CD2AP: variants seen among roughly 807,000 people sequenced by gnomAD.
CD2AP encodes CD2-associated protein.
A neutral mutation model predicts 85.1 loss-of-function variants in CD2AP; 46 were observed. The observed-to-expected ratio is 0.54, with a 90% CI of 0.43 to 0.69. The LOEUF (loss-of-function observed/expected upper bound fraction) is 0.69, where lower values mean the gene tolerates loss of function less well. CD2AP is among the 30% of genes least tolerant of loss of function. CD2AP has a pLI of 0.00. For synonymous variants in CD2AP, 255 were observed against 252.9 expected, an observed-to-expected ratio of 1.01 and a Z score of -0.08; for missense variants, 769 against 729.5, an observed-to-expected ratio of 1.05 and a Z score of -0.62.
At chr6:47,568,298 C>T (rs1307394365) in intron 5 of CD2AP, among the ~76,000 whole-genome samples, 2 of 152,166 alleles carry the variant, frequency 1.3e-5, no homozygotes, top group African/African-American at 4.8e-5. Context: ...TGGCTATTCA[C>T]TTTTGGAGAT....
chr6:47,533,693 G>C lies in CD2AP; in HGVS notation c.257G>C (p.Ser86Thr). The C allele has an allele frequency of 6.2e-7, 1 of 1,614,070 alleles. No homozygotes were observed. Among genetic ancestry groups the C allele is most frequent in the Non-Finnish European group, 8.5e-7 (1 of 1,179,994 alleles). Residue 86 changes from serine to threonine, a missense_variant, in exon 3 of 18, where the codon AGC becomes ACC. Coordinates refer to ENST00000359314, the MANE Select transcript of CD2AP (RefSeq NM_012120.3). ...GNVASLVQRISTYGLPAGGIQ... is the reference protein window; with the variant it reads ...GNVASLVQRITTYGLPAGGIQ... ...GTAGCAAGTCTTGTACAACGAATAAGCACCTATGGACTTCCAGCTGGAGGA... is the reference window on the plus strand; with the variant it reads ...GTAGCAAGTCTTGTACAACGAATAACCACCTATGGACTTCCAGCTGGAGGA...
chr6:47,624,713 GTGTGTGTGTATATATA>G lies in CD2AP; in HGVS notation c.*488_*503del, dbSNP rs1447903575. 1,899 of 137,610 alleles carry G rather than the reference GTGTGTGTGTATATATA, an allele frequency of 0.014. 21 individuals carry two copies. Among genetic ancestry groups the G allele is most frequent in the Middle Eastern group, 0.025 (7 of 278 alleles). The allele number at this position is 137,610 out of a possible 1,614,324, so 8.5% of individuals were successfully genotyped here. On this transcript the variant is annotated 3_prime_UTR_variant, in exon 18 of 18. Coordinates refer to ENST00000359314, the MANE Select transcript of CD2AP (RefSeq NM_012120.3). ...TGTGTGTGTGTGTGTGTGTGTGTGT[GTGTGTGTGTATATATA>G]TATATATATTTTTACTTTTATCCTC...
chr6:47,600,819 T>TTA (rs1215123275), intron 13 of CD2AP, among the ~76,000 whole-genome samples: 1 of 151,936 alleles, frequency 6.6e-6, no homozygotes, highest in African/African-American at 2.4e-5. Context: ...GTTTCATAGG[T>TTA]TATAGTTGAA....
chr6:47,596,323 A>G (rs978874277), intron 12 of CD2AP, among the ~76,000 whole-genome samples: 1 of 152,098 alleles, frequency 6.6e-6, no homozygotes, highest in Non-Finnish European at 1.5e-5. Flanking sequence ...GGTACATCAC[A>G]TTAACTGCAG....
intron 3 of CD2AP, among the ~76,000 whole-genome samples, chr6:47,537,577 A>G (rs918806230): frequency 2.0e-5 from 3 of 152,158 alleles, no homozygotes; most frequent in South Asian, 2.1e-4. Context: ...CTTAATATAC[A>G]TATACTTTTT....
chr6:47,514,941 A>G (rs1234737750), intron 2 of CD2AP, among the ~76,000 whole-genome samples: 1 of 151,864 alleles, frequency 6.6e-6, no homozygotes, highest in Non-Finnish European at 1.5e-5. Flanking sequence ...AATCCCAGCT[A>G]CTCGGGAGGC....
intron 1 of CD2AP, among the ~76,000 whole-genome samples, chr6:47,494,738 A>G (rs1018558631): frequency 2.6e-5 from 4 of 152,194 alleles, no homozygotes; most frequent in African/African-American, 9.7e-5. Flanking sequence ...CTTTCATGCT[A>G]TTCCACAGTC....
intron 13 of CD2AP, among the ~76,000 whole-genome samples, chr6:47,604,329 T>C (rs1769215086): frequency 6.6e-6 from 1 of 152,056 alleles, no homozygotes; most frequent in African/African-American, 2.4e-5. Flanking sequence ...ATGGAGAACC[T>C]GAGAGAGTTT....
chr6:47,517,085 C>T (rs985693216), intron 2 of CD2AP, among the ~76,000 whole-genome samples: 6 of 151,984 alleles, frequency 3.9e-5, no homozygotes, highest in Non-Finnish European at 7.4e-5. Flanking sequence ...AATGAATTCT[C>T]ACCCAGTTCA....
rs9381572 is a variant in CD2AP at position 47,545,725 on chromosome 6, G to A, written c.420+1019G>A. On this transcript the variant is annotated intron_variant, in intron 4 of 17. Coordinates refer to ENST00000359314, the MANE Select transcript of CD2AP (RefSeq NM_012120.3). ...TGCAGACAACCCCCAGTACCAGCCC[G>A]GAGCCTGGTAGACTTGCTCTGTGGC... Among the ~76,000 whole-genome samples, 743 of 152,264 alleles carry A rather than the reference G, an allele frequency of 4.9e-3. 17 individuals carry two copies. The highest frequency in any genetic ancestry group is 0.032 in the Admixed American group (484 of 15,294).
Position 47,584,579 on chromosome 6 carries a change from G to C in CD2AP, c.1108+2514G>C, listed in dbSNP as rs73736421. ...TTTGATATCATCTTCCACCCTTTTT[G>C]TTTACTAAATGTAGCACTCACTCTC... On this transcript the variant is annotated intron_variant, in intron 11 of 17. Transcript: ENST00000359314. 5.6e-3 allele frequency among the ~76,000 whole-genome samples: 846 copies of C among 151,942 alleles called. 9 individuals are homozygous for C. Among genetic ancestry groups the C allele is most frequent in the African/African-American group, 0.02 (811 of 41,454 alleles).
At chr6:47,510,843 G>A (rs1582495867) in intron 2 of CD2AP, among the ~76,000 whole-genome samples, 1 of 152,138 alleles carries the variant, frequency 6.6e-6, no homozygotes, top group East Asian at 1.9e-4. Flanking sequence ...GGGAGGCCGA[G>A]GTGGGCAGAT....
At chr6:47,575,600 A>G (rs1768287011) in intron 6 of CD2AP, among the ~76,000 whole-genome samples, 1 of 152,218 alleles carries the variant, frequency 6.6e-6, no homozygotes, top group African/African-American at 2.4e-5. Flanking sequence ...AGAAGATAAC[A>G]GAAGACACAG....
chr6:47,615,781 TAA>T (rs879564764), intron 17 of CD2AP, among the ~76,000 whole-genome samples: 1,968 of 99,420 alleles, frequency 0.02, 29 homozygotes, highest in South Asian at 0.11. Flanking sequence ...ATTTTAATTT[TAA>T]TTTAATTTAA....
chr6:47,505,330 A>G (rs1262058625), intron 2 of CD2AP, among the ~76,000 whole-genome samples: 1 of 148,842 alleles, frequency 6.7e-6, no homozygotes, highest in Non-Finnish European at 1.5e-5. Context: ...TGTTTCAGAG[A>G]GCACAGGGTT....
chr6:47,505,014 T>TC (rs1184262074), intron 2 of CD2AP, among the ~76,000 whole-genome samples: 22 of 23,238 alleles, frequency 9.5e-4, no homozygotes, highest in African/African-American at 2.6e-3. Context: ...GCAGTTTCTT[T>TC]TTTTTTTTTT....
At chr6:47,575,878 G>T (rs1768294256) in intron 6 of CD2AP, among the ~76,000 whole-genome samples, 1 of 151,884 alleles carries the variant, frequency 6.6e-6, no homozygotes, top group African/African-American at 2.4e-5. Flanking sequence ...GTTTAGTTCT[G>T]GGTTAAAATC....
At chr6:47,607,805 G>A in intron 14 of CD2AP, 122 bp from the exon 15 acceptor site, 1 of 659,872 alleles carries the variant, frequency 1.5e-6, no homozygotes, top group Non-Finnish European at 2.7e-6. Context: ...TAATAATAAT[G>A]GGATATCAGC....
intron 2 of CD2AP, among the ~76,000 whole-genome samples, chr6:47,505,065 G>A (rs962277639): frequency 8.2e-6 from 1 of 122,080 alleles, no homozygotes; most frequent in African/African-American, 3.0e-5. Flanking sequence ...TAATTCTTGG[G>A]TGTTTCTCAC....
Sources: gnomAD v4.1 joint callset for allele counts (sites outside exome capture counted in the v4.1 genomes callset) on GRCh38, gnomAD v4.1.1 for gene constraint, MANE v1.5 for transcripts, NCBI Gene and HGNC (gene_info 2026-07-23, HGNC 2026-07-21) for gene names.